ADARB2: variants seen among roughly 807,000 people sequenced by gnomAD.
ADARB2 encodes inactive double-stranded RNA-specific editase B2.
Under a neutral mutation model 62.2 loss-of-function variants are expected in ADARB2, and 25 were observed. That is an observed-to-expected ratio of 0.40 (90% confidence interval 0.29 to 0.56). The LOEUF (loss-of-function observed/expected upper bound fraction) is 0.56. Among genes scored for constraint, ADARB2 ranks in the 20% least tolerant of loss-of-function variants. ADARB2 has a pLI of 0.43. For synonymous variants in ADARB2, 572 were observed against 500.8 expected (o/e 1.14, Z -1.90); for missense variants, 1,071 against 1,077.4 (o/e 0.99, Z 0.08).
At chr10:1,457,495 G>A (rs1471284765) in intron 1 of ADARB2, among the ~76,000 whole-genome samples, 1 of 152,144 alleles carries the variant, frequency 6.6e-6, no homozygotes, top group Non-Finnish European at 1.5e-5. Context: ...CTGCAGCTTA[G>A]GAGTCTCTGC....
At chr10:1,719,274 T>C (rs540703630) in intron 1 of ADARB2, among the ~76,000 whole-genome samples, 43 of 152,320 alleles carry the variant, frequency 2.8e-4, no homozygotes, top group African/African-American at 9.4e-4. Flanking sequence ...CACCTTTACC[T>C]TCTACAATGC....
intron 1 of ADARB2, among the ~76,000 whole-genome samples, chr10:1,631,224 T>G (rs1489209179): frequency 6.6e-6 from 1 of 152,150 alleles, no homozygotes; most frequent in Non-Finnish European, 1.5e-5. Flanking sequence ...CCACCCTTTC[T>G]ACCCTGTCTT....
chr10:1,218,727 C>T (rs1009157610), intron 6 of ADARB2, among the ~76,000 whole-genome samples: 1 of 152,126 alleles, frequency 6.6e-6, no homozygotes, highest in Non-Finnish European at 1.5e-5. Flanking sequence ...GTGAATTGTT[C>T]TCATGAGACC....
At position 1,296,495 on chromosome 10, in the gene ADARB2, C is replaced by G. The variant is rs575943900; in HGVS notation, c.1078-25426G>C. ...TCCAGACAACTGCCACATTGAGACACCTAACTGGCGGCAGAGAATTGAGGG... is the reference window on the plus strand; with the variant it reads ...TCCAGACAACTGCCACATTGAGACAGCTAACTGGCGGCAGAGAATTGAGGG... On this transcript the variant is annotated intron_variant, in intron 3 of 9. Coordinates refer to ENST00000381312, the MANE Select transcript of ADARB2 (RefSeq NM_018702.4). Among the ~76,000 whole-genome samples, 28 of 152,296 alleles carry G rather than the reference C, an allele frequency of 1.8e-4. 1 individual carries two copies. The highest frequency in any genetic ancestry group is 6.7e-4 in the African/African-American group (28 of 41,552).
intron 1 of ADARB2, among the ~76,000 whole-genome samples, chr10:1,460,952 T>G (rs1202963174): frequency 6.6e-5 from 10 of 152,180 alleles, no homozygotes; most frequent in Non-Finnish European, 1.2e-4. Flanking sequence ...CATGGACCCC[T>G]GAACTTAAAA....
intron 6 of ADARB2, among the ~76,000 whole-genome samples, chr10:1,223,228 G>C (rs1156863907): frequency 6.6e-6 from 1 of 152,000 alleles, no homozygotes; most frequent in Non-Finnish European, 1.5e-5. Context: ...GTCTGTTATT[G>C]GTGTATAAGA....
chr10:1,594,216 A>G (rs1833303014), intron 1 of ADARB2, among the ~76,000 whole-genome samples: 1 of 152,252 alleles, frequency 6.6e-6, no homozygotes, highest in South Asian at 2.1e-4. Flanking sequence ...CTTAAAATCC[A>G]GGAGGCAGAG....
rs79603645 is a variant in ADARB2 at position 1,464,311 on chromosome 10, C to T, written c.101-85151G>A. 3.5e-3 allele frequency among the ~76,000 whole-genome samples: 386 copies of T among 110,500 alleles called. 2 individuals carry two copies. The highest frequency in any genetic ancestry group is 4.1e-3 in the South Asian group (14 of 3,396). The allele number at this position is 110,500 out of a possible 152,430, so 72.5% of individuals were successfully genotyped here. ...CTGGGGACAGTCACAGCAGGCAGCG[C>T]GCCGGAGAAGAGGGTGGACACACAC... On this transcript the variant is annotated intron_variant, in intron 1 of 9. Transcript: ENST00000381312.
chr10:1,200,315 T>A, intron 7 of ADARB2, 168 bp from the exon 8 acceptor site: 1 of 827,724 alleles, frequency 1.2e-6, no homozygotes, highest in Non-Finnish European at 2.0e-6. Context: ...TCACTGGGGC[T>A]CTGGGGACAC....
At chr10:1,222,339 A>G (rs1830702459) in intron 6 of ADARB2, among the ~76,000 whole-genome samples, 1 of 152,242 alleles carries the variant, frequency 6.6e-6, no homozygotes, top group East Asian at 1.9e-4. Flanking sequence ...AGTAGGTTGC[A>G]AAAAATTTTC....
intron 1 of ADARB2, among the ~76,000 whole-genome samples, chr10:1,451,212 G>A (rs1831032741): frequency 6.6e-6 from 1 of 152,238 alleles, no homozygotes; most frequent in African/African-American, 2.4e-5. Flanking sequence ...GAATCACCTA[G>A]GACACACTAT....
intron 1 of ADARB2, among the ~76,000 whole-genome samples, chr10:1,617,846 G>C (rs1166201840): frequency 1.3e-5 from 2 of 152,264 alleles, no homozygotes; most frequent in Admixed American, 1.3e-4. Context: ...TTCAGTGATA[G>C]GGAGGGAGGC....
At chr10:1,727,472 G>A (rs1003282994) in intron 1 of ADARB2, among the ~76,000 whole-genome samples, 7 of 152,044 alleles carry the variant, frequency 4.6e-5, no homozygotes, top group African/African-American at 9.7e-5. Flanking sequence ...AGAGAGTTCC[G>A]ATTATTTAAG....
At chr10:1,450,513 C>T (rs939071755) in intron 1 of ADARB2, among the ~76,000 whole-genome samples, 8 of 152,214 alleles carry the variant, frequency 5.3e-5, no homozygotes, top group Admixed American at 2.0e-4. Flanking sequence ...GCCTCCCTCG[C>T]CCCCTTGGAT....
intron 1 of ADARB2, among the ~76,000 whole-genome samples, chr10:1,659,079 A>G (rs1834210592): frequency 1.3e-5 from 2 of 152,252 alleles, no homozygotes; most frequent in African/African-American, 4.8e-5. Flanking sequence ...GCCTAATTAA[A>G]AAATTGCTAA....
intron 1 of ADARB2, among the ~76,000 whole-genome samples, chr10:1,407,599 G>C (rs1213637201): frequency 6.6e-6 from 1 of 152,206 alleles, no homozygotes; most frequent in South Asian, 2.1e-4. Context: ...CTCAGCCCAG[G>C]AGTCCCGGCT....
intron 1 of ADARB2, among the ~76,000 whole-genome samples, chr10:1,433,940 G>A (rs888202234): frequency 5.9e-5 from 9 of 152,194 alleles, no homozygotes; most frequent in Non-Finnish European, 1.3e-4. Context: ...GCTGTTGACT[G>A]TAAATGTAAC....
At chr10:1,690,586 T>C (rs1834656020) in intron 1 of ADARB2, among the ~76,000 whole-genome samples, 1 of 152,120 alleles carries the variant, frequency 6.6e-6, no homozygotes, top group Non-Finnish European at 1.5e-5. Context: ...GAAAAATAAC[T>C]GGAAGGAGAG....
intron 3 of ADARB2, among the ~76,000 whole-genome samples, chr10:1,344,109 G>A (rs1047772964): frequency 1.3e-5 from 2 of 152,210 alleles, no homozygotes; most frequent in Non-Finnish European, 2.9e-5. Flanking sequence ...TCTCCCACCT[G>A]TGGCCGTGAG....
Sources: allele counts gnomAD v4.1 joint callset (sites outside exome capture counted in the v4.1 genomes callset), GRCh38; gene constraint gnomAD v4.1.1; transcripts MANE v1.5; gene names NCBI Gene and HGNC (gene_info 2026-07-23, HGNC 2026-07-21).